Variants in SNHG17 observed in about 807,000 individuals in gnomAD.
SNHG17 encodes the protein small nucleolar RNA host gene 17.
chr20:38,434,042 G>A (rs757910965), intron 2 of SNHG17: 3 of 513,914 alleles, frequency 5.8e-6, no homozygotes, highest in South Asian at 4.2e-5. Context: ...TTAGCTGCCA[G>A]ATCTCCAGAG....
At chr20:38,433,042 G>T (rs1157750642) in intron 2 of SNHG17, among the ~76,000 whole-genome samples, 2 of 152,052 alleles carry the variant, frequency 1.3e-5, no homozygotes, top group Non-Finnish European at 2.9e-5. Flanking sequence ...GCATGATCTT[G>T]GCTCACTGCA....
chr20:38,428,571 T>G (rs894107706), intron 3 of SNHG17: 3 of 152,222 alleles, frequency 2.0e-5, no homozygotes, highest in African/African-American at 7.2e-5. Flanking sequence ...ATGACTTCTT[T>G]TAGGAATGAA....
intron 2 of SNHG17, chr20:38,431,984 G>C (rs930154353): frequency 1.0e-5 from 10 of 985,404 alleles, no homozygotes; most frequent in Non-Finnish European, 1.2e-5. Context: ...CAGATCTCCA[G>C]AGGACAGACC....
At chr20:38,433,691 G>A (rs1331768664) in intron 2 of SNHG17, among the ~76,000 whole-genome samples, 1 of 152,198 alleles carries the variant, frequency 6.6e-6, no homozygotes, top group Non-Finnish European at 1.5e-5. Context: ...TTGCCACAGG[G>A]TGTGACTAGT....
chr20:38,431,704 T>C (rs1044710715), intron 2 of SNHG17, among the ~76,000 whole-genome samples: 2 of 152,164 alleles, frequency 1.3e-5, no homozygotes, highest in Non-Finnish European at 2.9e-5. Flanking sequence ...TAGGGAGTAG[T>C]GGTAAAGCGT....
At chr20:38,426,699 G>A (rs1452256343) in intron 3 of SNHG17, among the ~76,000 whole-genome samples, 1 of 150,758 alleles carries the variant, frequency 6.6e-6, no homozygotes, top group African/African-American at 2.4e-5. Flanking sequence ...GGGGCAACCT[G>A]AGAACCAGTC....
At chr20:38,434,931 G>T in intron 1 of SNHG17, 1 of 1,226,236 alleles carries the variant, frequency 8.2e-7, no homozygotes, top group Non-Finnish European at 1.0e-6. Context: ...GCCATCCAGG[G>T]GCACTAAGCC....
chr20:38,424,962 G>T, intron 5 of SNHG17: 1 of 259,156 alleles, frequency 3.9e-6, no homozygotes, highest in Admixed American at 4.4e-5. Context: ...AGGTTACTGG[G>T]GGAAGGTGCT....
At position 38,435,327 on chromosome 20, in the gene SNHG17, C is replaced by T. The variant is rs1600774480; in HGVS notation, n.55G>A. 4.9e-6 allele frequency: 6 copies of T among 1,231,234 alleles called. No individual in the cohort carries two copies. The South Asian group carries it at 1.2e-4, about 26-fold the overall frequency. The allele number at this position is 1,231,234 out of a possible 1,614,324, so 76.3% of individuals were successfully genotyped here. A position where few individuals can be genotyped will look rare whatever the true frequency, so the allele number is the denominator to read the frequency against. On this transcript the variant is annotated non_coding_transcript_exon_variant, in exon 1 of 9. Transcript: ENST00000654008. ...AAGGACGGCGAGGGACGGCGAAGGACTGAGGCCACACGACAAGGAAGCTAC... is the reference window on the plus strand; with the variant it reads ...AAGGACGGCGAGGGACGGCGAAGGATTGAGGCCACACGACAAGGAAGCTAC...
At chr20:38,432,486 A>G (rs1468460234) in intron 2 of SNHG17, among the ~76,000 whole-genome samples, 1 of 152,106 alleles carries the variant, frequency 6.6e-6, no homozygotes, top group East Asian at 1.9e-4. Flanking sequence ...ATGCCTAGCT[A>G]TACCTCTGGC....
intron 2 of SNHG17, chr20:38,434,037 T>G (rs2084386060): frequency 1.9e-6 from 1 of 514,966 alleles, no homozygotes; most frequent in Non-Finnish European, 3.9e-6. Flanking sequence ...GCGTGTTAGC[T>G]GCCAGATCTC....
intron 5 of SNHG17, chr20:38,425,112 C>A: frequency 2.3e-6 from 1 of 442,132 alleles, no homozygotes; most frequent in Non-Finnish European, 4.6e-6. Context: ...GCCTGTTGAA[C>A]CTGGTGCCAT....
At chr20:38,429,868 C>T (rs544915833) in intron 3 of SNHG17, 2 of 500,598 alleles carry the variant, frequency 4.0e-6, no homozygotes, top group Admixed American at 2.1e-5. Flanking sequence ...AATGGTCTCA[C>T]CTGGAACAGA....
intron 2 of SNHG17, chr20:38,434,390 C>T (rs751973508): frequency 4.7e-6 from 1 of 214,530 alleles, no homozygotes; most frequent in Non-Finnish European, 9.5e-6. Flanking sequence ...GCTCTGCACC[C>T]GCTTTGCCAG....
At chr20:38,422,307 C>T (rs11907761) in intron 5 of SNHG17, 3,910 of 152,484 alleles carry the variant, frequency 0.026, 172 homozygotes, top group African/African-American at 0.09. Context: ...GACCCATGGT[C>T]CAGCGCCCTG....
At chr20:38,429,729 G>A (rs752642859) in intron 3 of SNHG17, 22 of 514,280 alleles carry the variant, frequency 4.3e-5, no homozygotes, top group Middle Eastern at 3.2e-4. Context: ...ACGGGGAAGT[G>A]CTCTCGGCAG....
chr20:38,430,983 T>C (rs902795582), intron 3 of SNHG17: 1 of 152,644 alleles, frequency 6.6e-6, no homozygotes, highest in Non-Finnish European at 1.5e-5. Context: ...CAACCACCTC[T>C]GGCCTCACAA....
chr20:38,425,321 C>T (rs755537467), intron 5 of SNHG17: 1 of 519,128 alleles, frequency 1.9e-6, no homozygotes, highest in South Asian at 1.4e-5. Flanking sequence ...CGATCACTTT[C>T]GAATACAGGG....
At chr20:38,421,842 G>A (rs2084160422) in intron 6 of SNHG17, 2 of 152,502 alleles carry the variant, frequency 1.3e-5, no homozygotes, top group South Asian at 2.1e-4. Context: ...GGCAGGGAGA[G>A]CAGCCCAGCT....
Sources: gnomAD v4.1 joint callset for allele counts (sites outside exome capture counted in the v4.1 genomes callset) on GRCh38, gnomAD v4.1.1 for gene constraint, MANE v1.5 for transcripts, NCBI Gene and HGNC (gene_info 2026-07-23, HGNC 2026-07-21) for gene names.